Variants in RYR3 observed in about 807,000 individuals in gnomAD.
The protein encoded by RYR3 is ryanodine receptor 3.
In RYR3, 207 loss-of-function variants were observed where a neutral mutation model predicts 584.3. The observed-to-expected ratio is 0.35, with a 90% CI of 0.32 to 0.40. The LOEUF is 0.40. RYR3 is among the 10% of genes least tolerant of loss of function. RYR3 has a pLI of 1.00. For missense variants in RYR3, 5,616 were observed against 6,089.2 expected (o/e 0.92, Z 2.59); for synonymous variants, 2,416 against 2,248.5 (o/e 1.07, Z -2.11).
intron 10 of RYR3, among the ~76,000 whole-genome samples, chr15:33,554,381 C>T (rs530881599): frequency 2.6e-5 from 4 of 151,490 alleles, no homozygotes; most frequent in East Asian, 3.9e-4. Context: ...CTGCAAGCTC[C>T]GCCTCCCGGC....
chr15:33,825,093 A>C (rs1276782103), intron 81 of RYR3, among the ~76,000 whole-genome samples: 1 of 152,212 alleles, frequency 6.6e-6, no homozygotes, highest in Non-Finnish European at 1.5e-5. Context: ...CATGATGTAG[A>C]ATCATAAAAG....
chr15:33,852,761 G>A (rs1406031198), intron 94 of RYR3: 2 of 336,084 alleles, frequency 6.0e-6, no homozygotes, highest in Non-Finnish European at 1.1e-5. Flanking sequence ...AACTGTCTCT[G>A]TCTAATCTGT....
Position 33,511,829 on chromosome 15 carries a change from A to T in RYR3, c.279+8091A>T, listed in dbSNP as rs183989801. 3.5e-3 allele frequency among the ~76,000 whole-genome samples: 538 copies of T among 152,298 alleles called. 1 individual carries two copies. The highest frequency in any genetic ancestry group is 0.012 in the African/African-American group (495 of 41,566). On this transcript the variant is annotated intron_variant, in intron 3 of 103. Coordinates refer to ENST00000634891, the MANE Select transcript of RYR3 (RefSeq NM_001036.6). ...AGTCTCGCTCTGTCGCCCAGGCTGC[A>T]GTGCAGTGGCGCGATCTCGGCTCAC...
chr15:33,636,460 G>A lies in RYR3; in HGVS notation c.3466G>A (p.Asp1156Asn), dbSNP rs867518878. The A allele has an allele frequency of 5.0e-6, 8 of 1,613,764 alleles. No individual in the cohort carries two copies. In the Admixed American group the frequency reaches 1.3e-4, roughly 27 times the overall value. Residue 1156 changes from aspartate to asparagine, a missense_variant, in exon 27 of 104, where the codon GAT (aspartate) becomes AAT (asparagine). By Grantham distance (23) the Asp-to-Asn change is conservative (BLOSUM62 1). Around this residue, in one of 9 missense-constraint regions of RYR3, gnomAD observed 152 missense variants for 200.9 expected, o/e 0.76. Coordinates refer to ENST00000634891, the MANE Select transcript of RYR3 (RefSeq NM_001036.6). ...DVVGCMINLDDASMIFTLNGE... is the reference protein window; with the variant it reads ...DVVGCMINLDNASMIFTLNGE... ...GGTCGGATGTATGATTAACCTGGAT[G>A]ATGCTTCAATGATCTTCACACTGAA...
chr15:33,322,377 G>A (rs1321334758), intron 1 of RYR3, among the ~76,000 whole-genome samples: 1 of 152,054 alleles, frequency 6.6e-6, no homozygotes, highest in East Asian at 1.9e-4. Context: ...GCAGGGGGAG[G>A]TGCCACACAC....
chr15:33,811,474 G>A (rs988439705), intron 72 of RYR3, among the ~76,000 whole-genome samples: 1 of 150,642 alleles, frequency 6.6e-6, no homozygotes, highest in African/African-American at 2.4e-5. Context: ...TCAGGCCACT[G>A]CACTCCAGCC....
intron 62 of RYR3, among the ~76,000 whole-genome samples, chr15:33,771,069 T>C (rs1314049333): frequency 6.6e-6 from 1 of 152,230 alleles, no homozygotes; most frequent in Non-Finnish European, 1.5e-5. Context: ...GAGGTCTGAT[T>C]AAGCTGTCTA....
chr15:33,620,759 T>C (rs1198990457), intron 19 of RYR3, among the ~76,000 whole-genome samples: 2 of 152,174 alleles, frequency 1.3e-5, no homozygotes, highest in Non-Finnish European at 2.9e-5. Flanking sequence ...TCACGGACTC[T>C]GGGTAGTTTG....
chr15:33,451,880 C>CTTT (rs1567267124), intron 1 of RYR3, among the ~76,000 whole-genome samples: 2 of 152,236 alleles, frequency 1.3e-5, no homozygotes, highest in Non-Finnish European at 2.9e-5. Context: ...AAGGGATTTG[C>CTTT]TCAAAGCCAT....
chr15:33,334,344 A>G (rs1970709066), intron 1 of RYR3, among the ~76,000 whole-genome samples: 1 of 152,196 alleles, frequency 6.6e-6, no homozygotes, highest in African/African-American at 2.4e-5. Flanking sequence ...ACATAGACCG[A>G]TGGAACAGAA....
In RYR3 at chr15:33,800,765, C is replaced by A. The variant is rs1403185593; in HGVS notation, c.9831-5C>A. ...AAATGCCTGTTTATTTACTTTTGGA[C>A]CCAGATCTAACTGGCTGAAAAGTCC... On this transcript the variant is annotated splice_polypyrimidine_tract_variant and splice_region_variant and intron_variant, in intron 67 of 103. Coordinates refer to ENST00000634891, the MANE Select transcript of RYR3 (RefSeq NM_001036.6). The A allele has an allele frequency of 6.2e-7, 1 of 1,609,892 alleles. No individual in the cohort carries two copies. Among genetic ancestry groups the A allele is most frequent in the East Asian group, 2.2e-5 (1 of 44,862 alleles).
chr15:33,454,055 C>G (rs1351899002), intron 1 of RYR3, among the ~76,000 whole-genome samples: 2 of 152,328 alleles, frequency 1.3e-5, no homozygotes, highest in East Asian at 3.9e-4. Context: ...CATAAGAATT[C>G]TGCGTGAGGC....
intron 18 of RYR3, among the ~76,000 whole-genome samples, chr15:33,610,953 C>T (rs1271442829): frequency 6.6e-6 from 1 of 152,162 alleles, no homozygotes; most frequent in African/African-American, 2.4e-5. Flanking sequence ...GTTTCAGATT[C>T]TAGAGCATTT....
At chr15:33,813,640 C>A in intron 74 of RYR3, 61 bp downstream of exon 74, 2 of 1,278,410 alleles carry the variant, frequency 1.6e-6, no homozygotes, top group Non-Finnish European at 2.3e-6. Flanking sequence ...GGTATCCTCC[C>A]ACAGCTGTGC....
At chr15:33,685,743 T>C (rs2064962597) in intron 38 of RYR3, among the ~76,000 whole-genome samples, 1 of 152,180 alleles carries the variant, frequency 6.6e-6, no homozygotes, top group Non-Finnish European at 1.5e-5. Context: ...ACAAACTGTC[T>C]CTAAGACCAC....
chr15:33,782,677 G>C (rs1451176515), intron 65 of RYR3, among the ~76,000 whole-genome samples: 3 of 152,196 alleles, frequency 2.0e-5, no homozygotes, highest in Admixed American at 2.0e-4. Context: ...CAGGTGATGT[G>C]AGCCTGTGAT....
At chr15:33,457,595 G>A (rs1464177887) in intron 1 of RYR3, among the ~76,000 whole-genome samples, 1 of 152,184 alleles carries the variant, frequency 6.6e-6, no homozygotes, top group African/African-American at 2.4e-5. Context: ...AGGGGAAAGA[G>A]GATAAGAGAT....
At chr15:33,499,456 A>T (rs1262898249) in intron 2 of RYR3, among the ~76,000 whole-genome samples, 1 of 152,122 alleles carries the variant, frequency 6.6e-6, no homozygotes, top group African/African-American at 2.4e-5. Context: ...CTTCACTGAC[A>T]TTCCACTAAA....
chr15:33,618,797 G>A (rs184732783), intron 19 of RYR3, among the ~76,000 whole-genome samples: 98 of 152,294 alleles, frequency 6.4e-4, no homozygotes, highest in Non-Finnish European at 1.1e-3. Flanking sequence ...CGAAAGGAAA[G>A]TTAGTCACCC....
Sources: gnomAD v4.1 joint callset for allele counts (sites outside exome capture counted in the v4.1 genomes callset) on GRCh38, gnomAD v4.1.1 for gene constraint, gnomAD v4.1.1 regional missense constraint, MANE v1.5 for transcripts, NCBI Gene and HGNC (gene_info 2026-07-23, HGNC 2026-07-21) for gene names.